Variants in PLOD1 observed in about 807,000 individuals in gnomAD.
PLOD1 encodes the protein lysine hydroxylase.
Under a neutral mutation model 94.7 loss-of-function variants are expected in PLOD1, and 70 were observed. The ratio of observed to expected loss-of-function variants is 0.74; its 90% CI spans 0.61 to 0.90. PLOD1 has a LOEUF of 0.90. PLOD1 is among the 40% of genes least tolerant of loss of function. The pLI, the probability that PLOD1 is intolerant of heterozygous loss-of-function variation, is 0.00. For missense variants in PLOD1, 905 were observed against 972.7 expected (o/e 0.93, Z 0.93); for synonymous variants, 417 against 400.2 (o/e 1.04, Z -0.50).
intron 15 of PLOD1, among the ~76,000 whole-genome samples, chr1:11,966,741 C>G (rs1435967329): frequency 1.3e-5 from 2 of 152,252 alleles, no homozygotes; most frequent in East Asian, 3.9e-4. Context: ...GGGCCTCTGC[C>G]CCCTCCCTCC....
Position 11,957,709 on chromosome 1 carries a change from A to G in PLOD1, c.742-133A>G. On this transcript the variant is annotated intron_variant, in intron 7 of 18. Transcript: ENST00000196061. This position sits in a 1 kb window ranked among gnomAD's most constrained non-coding sequence, Gnocchi z 4.1. ...GGTGATCTCCTGGGGATGGAGCATT[A>G]TCTCCAAGACCCTCTTAGGGAGTGG... 1.3e-6 allele frequency: 1 copy of G among 775,242 alleles called. No individual in the cohort carries two copies. The highest frequency in any genetic ancestry group is 2.4e-6 in the Non-Finnish European group (1 of 420,300). 48.0% of individuals were successfully genotyped at this position (775,242 alleles called of 1,614,324 possible).
chr1:11,944,486 A>G (rs759288566), intron 1 of PLOD1: 5 of 1,313,652 alleles, frequency 3.8e-6, no homozygotes, highest in Non-Finnish European at 5.0e-6. Context: ...GGCTTTTTCC[A>G]TCCATGAAAT....
chr1:11,967,955 AT>A (rs550083636), intron 16 of PLOD1, among the ~76,000 whole-genome samples: 6,103 of 138,802 alleles, frequency 0.044, 290 homozygotes, highest in African/African-American at 0.13. Flanking sequence ...GTGTGTGTAA[AT>A]TTTTTTTTTT....
At chr1:11,949,964 T>C in intron 3 of PLOD1, 58 bp downstream of exon 3, 1 of 1,561,214 alleles carries the variant, frequency 6.4e-7, no homozygotes. Flanking sequence ...AAGAATATTC[T>C]AAAATGAGGC....
At position 11,957,063 on chromosome 1, in the gene PLOD1, A is replaced by C. The variant is rs1317363698; in HGVS notation, c.741+49A>C. On this transcript the variant is annotated intron_variant, in intron 7 of 18. Coordinates refer to ENST00000196061, the MANE Select transcript of PLOD1 (RefSeq NM_000302.4). The surrounding 1 kb of genome is among the most constrained non-coding windows in gnomAD (Gnocchi z 4.1). ...GAGTGTGGGAGGGGGCCAGAGCCCT[A>C]ATTTCATTCTCACTGTGACCCCACA... 1.6e-6 allele frequency: 2 copies of C among 1,225,118 alleles called. No individual in the cohort carries two copies. Among genetic ancestry groups the C allele is most frequent in the African/African-American group, 3.0e-5 (2 of 67,416 alleles). 75.9% of individuals were successfully genotyped at this position (1,225,118 alleles called of 1,614,324 possible). A position where few individuals can be genotyped will look rare whatever the true frequency, so the allele number is the denominator to read the frequency against.
intron 6 of PLOD1, among the ~76,000 whole-genome samples, chr1:11,955,684 C>T (rs779941933): frequency 4.5e-4 from 68 of 151,978 alleles, no homozygotes; most frequent in Non-Finnish European, 7.6e-4. Context: ...AATGCAGTGG[C>T]GAATTCTCGA....
At chr1:11,967,955 A>AT (rs550083636) in intron 16 of PLOD1, among the ~76,000 whole-genome samples, 4,215 of 138,968 alleles carry the variant, frequency 0.03, 168 homozygotes, top group African/African-American at 0.09. Context: ...GTGTGTGTAA[A>AT]TTTTTTTTTT....
chr1:11,937,204 G>A (rs1182259616), intron 1 of PLOD1, among the ~76,000 whole-genome samples: 2 of 152,144 alleles, frequency 1.3e-5, no homozygotes, highest in Admixed American at 1.3e-4. Flanking sequence ...AAGGCCCCAC[G>A]TCTCCCAGTG....
chr1:11,949,510 C>T (rs1479772127), intron 2 of PLOD1, among the ~76,000 whole-genome samples: 1 of 152,182 alleles, frequency 6.6e-6, no homozygotes, highest in Non-Finnish European at 1.5e-5. Context: ...ACCCCCACCT[C>T]CCGGGTTCAA....
intron 4 of PLOD1, among the ~76,000 whole-genome samples, chr1:11,951,425 G>A (rs1387900853): frequency 6.6e-6 from 1 of 151,762 alleles, no homozygotes; most frequent in Non-Finnish European, 1.5e-5. Flanking sequence ...AGGTAGCCGG[G>A]CGTGGTGGTA....
At chr1:11,964,517 C>G (rs1474825808) in intron 12 of PLOD1, 127 bp from the exon 13 acceptor site, 1 of 996,476 alleles carries the variant, frequency 1.0e-6, no homozygotes, top group Admixed American at 1.8e-5. Context: ...ATTGTGCCCC[C>G]CTAGCCTGTG....
chr1:11,959,574 C>G (rs1569710600), intron 9 of PLOD1, among the ~76,000 whole-genome samples: 1 of 150,718 alleles, frequency 6.6e-6, no homozygotes, highest in Non-Finnish European at 1.5e-5. Flanking sequence ...TCCCAAGTAA[C>G]TGAGACTACA....
At chr1:11,974,259 A>T (rs913118045) in intron 18 of PLOD1, among the ~76,000 whole-genome samples, 11 of 151,462 alleles carry the variant, frequency 7.3e-5, no homozygotes, top group East Asian at 5.8e-4. Flanking sequence ...CAGTGGCGCG[A>T]TCTCGGCTCA....
chr1:11,934,872 C>T lies in PLOD1; in HGVS notation c.76+17C>T, dbSNP rs113691754. ...AGCCGGAGGGTGAGGGAGCGAAGGC[C>T]GGGGGCGGGAGCGCGGATCCGGGCG... On this transcript the variant is annotated intron_variant, in intron 1 of 18. Coordinates refer to ENST00000196061, the MANE Select transcript of PLOD1 (RefSeq NM_000302.4). 1,451 of 1,533,562 alleles carry T rather than the reference C, an allele frequency of 9.5e-4. 11 individuals are homozygous for T. In the African/African-American group the frequency reaches 0.019, roughly 20 times the overall value. 95.0% of individuals were successfully genotyped at this position (1,533,562 alleles called of 1,614,324 possible). A position where few individuals can be genotyped will look rare whatever the true frequency, so the allele number is the denominator to read the frequency against.
In PLOD1 at chr1:11,974,858, G is replaced by GCC. The variant is rs747566822; in HGVS notation, c.*52_*53dup. On this transcript the variant is annotated 3_prime_UTR_variant, in exon 19 of 19. Transcript: ENST00000196061. ...CCTTTCTTCTTTGCCGACAACCACTGCCCAGCAGCCTCTGGGACCTCGGGG... is the reference window on the plus strand; with the variant it reads ...CCTTTCTTCTTTGCCGACAACCACTGCCCCCAGCAGCCTCTGGGACCTCGGGG... 5 of 1,595,978 alleles carry GCC rather than the reference G, an allele frequency of 3.1e-6. No homozygotes were observed. The highest frequency in any genetic ancestry group is 4.3e-6 in the Non-Finnish European group (5 of 1,163,772).
At chr1:11,949,935 G>C in intron 3 of PLOD1, 29 bp downstream of exon 3, 1 of 1,608,910 alleles carries the variant, frequency 6.2e-7, no homozygotes, top group Non-Finnish European at 8.5e-7. Context: ...CCTAGCCTGG[G>C]CCCCTCCGCG....
In PLOD1 at chr1:11,975,251, T is replaced by C; in HGVS notation, c.*443T>C. On this transcript the variant is annotated 3_prime_UTR_variant, in exon 19 of 19. Coordinates refer to ENST00000196061, the MANE Select transcript of PLOD1 (RefSeq NM_000302.4). ...GCACCAGGGACTTCTGCTTCAAGTT[T>C]TGGGGTAAAGACACCTGGATCAGAC... The C allele has an allele frequency of 3.6e-6, 1 of 276,256 alleles. No homozygotes were observed. The allele number at this position is 276,256 out of a possible 1,614,324, so 17.1% of individuals were successfully genotyped here.
At chr1:11,941,776 G>C (rs1033420967) in intron 1 of PLOD1, among the ~76,000 whole-genome samples, 1 of 152,104 alleles carries the variant, frequency 6.6e-6, no homozygotes, top group African/African-American at 2.4e-5. Flanking sequence ...GAGCCACCGC[G>C]CCCGGACTAG....
intron 1 of PLOD1, among the ~76,000 whole-genome samples, chr1:11,939,897 C>A (rs573655568): frequency 6.6e-6 from 1 of 152,080 alleles, no homozygotes; most frequent in African/African-American, 2.4e-5. Context: ...TGTGAGCCAC[C>A]GCACACATCA....
Sources: gnomAD v4.1 joint callset for allele counts (sites outside exome capture counted in the v4.1 genomes callset) on GRCh38, gnomAD v4.1.1 for gene constraint, Gnocchi (gnomAD v3.1) non-coding constraint, MANE v1.5 for transcripts, NCBI Gene and HGNC (gene_info 2026-07-23, HGNC 2026-07-21) for gene names.